SGCZ: variants seen among roughly 807,000 people sequenced by gnomAD.
SGCZ encodes zeta-sarcoglycan.
Under a neutral mutation model 41.3 loss-of-function variants are expected in SGCZ, and 40 were observed. That is an observed-to-expected ratio of 0.97 (90% confidence interval 0.75 to 1.26). The LOEUF (loss-of-function observed/expected upper bound fraction) is 1.26. Ranked by LOEUF, SGCZ falls within the 50% of genes most tolerant of loss-of-function variation. The probability of loss-of-function intolerance (pLI) is 0.00; values close to 1 mark genes in which losing one functional copy is unlikely to be tolerated. For synonymous variants in SGCZ, 206 were observed against 137.5 expected, an observed-to-expected ratio of 1.50 and a Z score of -3.49; for missense variants, 552 against 369.8, an observed-to-expected ratio of 1.49 and a Z score of -4.04.
intron 1 of SGCZ, among the ~76,000 whole-genome samples, chr8:14,944,611 T>C (rs1031773885): frequency 6.6e-6 from 1 of 152,152 alleles, no homozygotes; most frequent in Non-Finnish European, 1.5e-5. Flanking sequence ...ATTATATGGG[T>C]CAGCAAGGAT....
intron 1 of SGCZ, among the ~76,000 whole-genome samples, chr8:14,832,402 G>A (rs755626378): frequency 9.2e-5 from 14 of 152,128 alleles, no homozygotes; most frequent in Non-Finnish European, 1.8e-4. Context: ...TAATGCCCAG[G>A]TGGTCCAAGA....
At chr8:14,642,580 A>G (rs17119934) in intron 1 of SGCZ, among the ~76,000 whole-genome samples, 29,209 of 151,110 alleles carry the variant, frequency 0.19, 3,341 homozygotes, top group East Asian at 0.6. Context: ...TTTATGTATA[A>G]CTCTACAGGG....
chr8:14,783,284 A>T (rs1221709204), intron 1 of SGCZ, among the ~76,000 whole-genome samples: 1 of 152,184 alleles, frequency 6.6e-6, no homozygotes, highest in Non-Finnish European at 1.5e-5. Context: ...AGATACAAAA[A>T]TTAACTGGGC....
chr8:14,672,686 G>A (rs539061465), intron 1 of SGCZ, among the ~76,000 whole-genome samples: 60 of 152,110 alleles, frequency 3.9e-4, no homozygotes, highest in Non-Finnish European at 7.4e-4. Flanking sequence ...TTGTGCTCAG[G>A]ACAACCCTCC....
intron 3 of SGCZ, among the ~76,000 whole-genome samples, chr8:14,244,603 A>G (rs1011390012): frequency 1.3e-5 from 2 of 151,398 alleles, no homozygotes; most frequent in African/African-American, 4.9e-5. Context: ...TATGAACTTT[A>G]AAGTAGTTTT....
intron 1 of SGCZ, among the ~76,000 whole-genome samples, chr8:15,144,426 A>G (rs1007728435): frequency 2.1e-4 from 32 of 151,454 alleles, no homozygotes; most frequent in Non-Finnish European, 3.5e-4. Flanking sequence ...CAACAGGCTC[A>G]GAAGTAGTTC....
chr8:14,503,436 A>C (rs1391363125), intron 2 of SGCZ, among the ~76,000 whole-genome samples: 2 of 152,138 alleles, frequency 1.3e-5, no homozygotes, highest in Non-Finnish European at 2.9e-5. Context: ...CCAGAACTTA[A>C]AGTATAATAC....
chr8:14,794,775 T>C (rs1363719047), intron 1 of SGCZ, among the ~76,000 whole-genome samples: 1 of 152,218 alleles, frequency 6.6e-6, no homozygotes, highest in Admixed American at 6.5e-5. Context: ...AGATTATGAA[T>C]GTACCATAGA....
intron 1 of SGCZ, among the ~76,000 whole-genome samples, chr8:14,871,789 T>A (rs1804160158): frequency 6.6e-6 from 1 of 151,290 alleles, no homozygotes; most frequent in South Asian, 2.1e-4. Flanking sequence ...GGCAAGAGAG[T>A]GAGACTCTGT....
intron 5 of SGCZ, among the ~76,000 whole-genome samples, chr8:14,161,129 G>T (rs934966507): frequency 1.3e-5 from 2 of 152,086 alleles, no homozygotes; most frequent in African/African-American, 2.4e-5. Context: ...ATGTCTCTTT[G>T]TACTGTTATT....
intron 1 of SGCZ, among the ~76,000 whole-genome samples, chr8:14,589,930 C>T (rs1244744883): frequency 6.6e-6 from 1 of 152,178 alleles, no homozygotes; most frequent in Non-Finnish European, 1.5e-5. Flanking sequence ...TTATTGACTC[C>T]TGTAATTCCT....
intron 1 of SGCZ, among the ~76,000 whole-genome samples, chr8:15,123,811 C>T (rs1395946018): frequency 6.6e-6 from 1 of 152,156 alleles, no homozygotes; most frequent in Non-Finnish European, 1.5e-5. Flanking sequence ...ACTGAAACAA[C>T]ATCAATCGCA....
At chr8:14,688,249 T>G (rs1342678062) in intron 1 of SGCZ, among the ~76,000 whole-genome samples, 1 of 152,182 alleles carries the variant, frequency 6.6e-6, no homozygotes, top group Non-Finnish European at 1.5e-5. Context: ...TTTTGGTGTT[T>G]TAGACATGAA....
At chr8:15,177,172 T>C (rs1008450384) in intron 1 of SGCZ, among the ~76,000 whole-genome samples, 5 of 152,184 alleles carry the variant, frequency 3.3e-5, no homozygotes, top group African/African-American at 7.2e-5. Flanking sequence ...TCAGCCATAG[T>C]TGAAATCAAA....
intron 3 of SGCZ, among the ~76,000 whole-genome samples, chr8:14,252,283 T>G (rs942814274): frequency 1.3e-5 from 2 of 152,122 alleles, no homozygotes; most frequent in Non-Finnish European, 2.9e-5. Context: ...AAATATTAAT[T>G]TATGAATATA....
chr8:14,739,469 G>A (rs1373985850), intron 1 of SGCZ, among the ~76,000 whole-genome samples: 1 of 151,904 alleles, frequency 6.6e-6, no homozygotes, highest in Non-Finnish European at 1.5e-5. Flanking sequence ...TAGTTATCCA[G>A]ATTACCATTT....
At chr8:14,642,960 A>T (rs150905796) in intron 1 of SGCZ, among the ~76,000 whole-genome samples, 435 of 151,572 alleles carry the variant, frequency 2.9e-3, no homozygotes, top group African/African-American at 0.01. Context: ...TATATTGCAA[A>T]CCCCTAGAAA....
intron 1 of SGCZ, among the ~76,000 whole-genome samples, chr8:15,127,562 T>C (rs991129500): frequency 1.3e-5 from 2 of 152,158 alleles, no homozygotes; most frequent in Non-Finnish European, 2.9e-5. Context: ...AATATTCTTG[T>C]GAATTAACAA....
At chr8:14,846,252 T>G (rs879626082) in intron 1 of SGCZ, among the ~76,000 whole-genome samples, 2 of 152,202 alleles carry the variant, frequency 1.3e-5, no homozygotes, top group Admixed American at 6.5e-5. Flanking sequence ...AGTTTGCAAA[T>G]TGACCTTGGA....
Sources: allele counts gnomAD v4.1 joint callset (sites outside exome capture counted in the v4.1 genomes callset), GRCh38; gene constraint gnomAD v4.1.1; transcripts MANE v1.5; gene names NCBI Gene and HGNC (gene_info 2026-07-23, HGNC 2026-07-21).